The following STT3B variants were observed in gnomAD, a reference collection of about 807,000 sequenced individuals.
STT3B encodes the protein dolichyl-diphosphooligosaccharide--protein glycosyltransferase subunit STT3B.
STT3B carries 29 observed loss-of-function variants against 96.8 expected under a neutral mutation model. The observed-to-expected ratio is 0.30, with a 90% CI of 0.22 to 0.41. The LOEUF (loss-of-function observed/expected upper bound fraction) is 0.41, where lower values mean the gene tolerates loss of function less well. Ranked by LOEUF, STT3B falls within the 10% of genes least tolerant of loss-of-function variation. The probability of loss-of-function intolerance (pLI) is 1.00; values close to 1 mark genes in which losing one functional copy is unlikely to be tolerated. For missense variants in STT3B, 640 were observed against 1,022.3 expected, an observed-to-expected ratio of 0.63 and a Z score of 5.10; for synonymous variants, 367 against 360.0, an observed-to-expected ratio of 1.02 and a Z score of -0.22.
At chr3:31,552,161 T>G (rs867856525) in intron 1 of STT3B, among the ~76,000 whole-genome samples, 9 of 152,380 alleles carry the variant, frequency 5.9e-5, no homozygotes, top group Middle Eastern at 6.8e-3. Flanking sequence ...TTTAAGCCAC[T>G]GAGTTTGTTT....
intron 1 of STT3B, among the ~76,000 whole-genome samples, chr3:31,570,926 A>T (rs530342126): frequency 6.6e-6 from 1 of 152,204 alleles, no homozygotes; most frequent in Admixed American, 6.5e-5. Flanking sequence ...GAATTTGATC[A>T]TATTGAGGTG....
chr3:31,533,059 A>G lies in STT3B; in HGVS notation c.61A>G (p.Ser21Gly), dbSNP rs764719664. The change falls in exon 1 of 16, where the codon AGT becomes GGT. Residue 21 changes from serine (S) to glycine (G), a missense_variant. This residue lies in a region of STT3B where 89 missense variants were observed against 81.7 expected (regional missense o/e 1.09). Transcript: ENST00000295770. ...HKSSLNSSPW[S>G]GLMALGNSRH... Reference sequence around the variant, plus strand: ...GTCGTCCCTCAACTCGTCCCCGTGGAGTGGCCTCATGGCCCTGGGAAACAG... The same window carrying G: ...GTCGTCCCTCAACTCGTCCCCGTGGGGTGGCCTCATGGCCCTGGGAAACAG... 6.3e-7 allele frequency: 1 copy of G among 1,580,984 alleles called. No homozygotes were observed. Among genetic ancestry groups the G allele is most frequent in the South Asian group, 1.1e-5 (1 of 89,302 alleles).
intron 5 of STT3B, among the ~76,000 whole-genome samples, chr3:31,610,029 T>C (rs1699146532): frequency 6.6e-6 from 1 of 152,224 alleles, no homozygotes; most frequent in African/African-American, 2.4e-5. Context: ...AAAAGAGAAA[T>C]GATTTTTATC....
intron 14 of STT3B, among the ~76,000 whole-genome samples, chr3:31,632,686 A>G (rs1373231731): frequency 7.4e-6 from 1 of 134,336 alleles, no homozygotes. Flanking sequence ...TTTTTTTTTT[A>G]ATGCCTTTAG....
At chr3:31,579,326 A>AT (rs1433730700) in intron 2 of STT3B, among the ~76,000 whole-genome samples, 5 of 151,834 alleles carry the variant, frequency 3.3e-5, no homozygotes, top group Non-Finnish European at 7.4e-5. Flanking sequence ...AGGAGGGAAC[A>AT]TTTTTTTATA....
Position 31,622,183 on chromosome 3 carries a change from T to A in STT3B, c.1414T>A (p.Ser472Thr). The change falls in exon 10 of 16, where the codon TCT becomes ACT. Residue 472 changes from serine (S) to threonine (T), a missense_variant. Coordinates refer to ENST00000295770, the MANE Select transcript of STT3B (RefSeq NM_178862.3). ...TTTGACTCCAGTCGTGTGTATGCTGTCTGCAATTGCCTTTTCAAATGTTTT... is the reference window on the plus strand; with the variant it reads ...TTTGACTCCAGTCGTGTGTATGCTGACTGCAATTGCCTTTTCAAATGTTTT... ...LTLTPVVCML[S>T]AIAFSNVFEH... 2 of 1,614,136 alleles carry A rather than the reference T, an allele frequency of 1.2e-6. No individual in the cohort carries two copies. The highest frequency in any genetic ancestry group is 1.7e-6 in the Non-Finnish European group (2 of 1,179,968).
intron 3 of STT3B, among the ~76,000 whole-genome samples, chr3:31,588,329 T>C (rs1373130156): frequency 6.6e-6 from 1 of 152,100 alleles, no homozygotes; most frequent in Non-Finnish European, 1.5e-5. Flanking sequence ...CCTTAAAATA[T>C]TTGTCTCAAA....
At chr3:31,550,819 C>A (rs1697534937) in intron 1 of STT3B, among the ~76,000 whole-genome samples, 1 of 151,542 alleles carries the variant, frequency 6.6e-6, no homozygotes, top group African/African-American at 2.4e-5. Context: ...CCATGTGTTA[C>A]TTTTAATAGA....
At chr3:31,548,492 A>C (rs1232029603) in intron 1 of STT3B, among the ~76,000 whole-genome samples, 1 of 152,200 alleles carries the variant, frequency 6.6e-6, no homozygotes, top group Non-Finnish European at 1.5e-5. Context: ...ATTTTAAAAT[A>C]GAGTATACCA....
intron 2 of STT3B, among the ~76,000 whole-genome samples, chr3:31,578,699 T>G (rs556918813): frequency 2.6e-5 from 4 of 152,140 alleles, no homozygotes; most frequent in Non-Finnish European, 4.4e-5. Flanking sequence ...CCTTTCTCCT[T>G]CCATGCATGC....
At chr3:31,548,359 G>A (rs905591494) in intron 1 of STT3B, among the ~76,000 whole-genome samples, 12 of 152,026 alleles carry the variant, frequency 7.9e-5, no homozygotes, top group African/African-American at 2.9e-4. Flanking sequence ...CTGTGAAACC[G>A]GGGAGAAAAA....
intron 14 of STT3B, among the ~76,000 whole-genome samples, chr3:31,631,785 A>T (rs960264403): frequency 6.9e-6 from 1 of 145,480 alleles, no homozygotes; most frequent in Non-Finnish European, 1.5e-5. Context: ...GTCTCTGTTT[A>T]AAAAAAAAAA....
intron 1 of STT3B, among the ~76,000 whole-genome samples, chr3:31,553,898 C>T (rs894869092): frequency 6.6e-6 from 1 of 151,972 alleles, no homozygotes; most frequent in South Asian, 2.1e-4. Context: ...GCAGAATGCC[C>T]AAGTTTATTG....
At chr3:31,558,532 T>C (rs1289859325) in intron 1 of STT3B, among the ~76,000 whole-genome samples, 4 of 152,232 alleles carry the variant, frequency 2.6e-5, no homozygotes, top group African/African-American at 4.8e-5. Flanking sequence ...GCTTCCCTGG[T>C]ATAAACCCAT....
At chr3:31,616,803 C>A in intron 6 of STT3B, 126 bp from the exon 7 acceptor site, 1 of 714,510 alleles carries the variant, frequency 1.4e-6, no homozygotes, top group Non-Finnish European at 2.1e-6. Context: ...GAAATGTTGG[C>A]TAGATGAAAT....
chr3:31,600,672 A>G (rs1316019990), intron 5 of STT3B, among the ~76,000 whole-genome samples: 2 of 151,738 alleles, frequency 1.3e-5, no homozygotes, highest in African/African-American at 2.4e-5. Context: ...TCGTTTTTGT[A>G]GAAATTAGTC....
At chr3:31,589,356 G>A (rs749628204) in intron 3 of STT3B, among the ~76,000 whole-genome samples, 3 of 151,654 alleles carry the variant, frequency 2.0e-5, no homozygotes, top group Non-Finnish European at 2.9e-5. Context: ...GATTCTTTGG[G>A]GTCTTTTACG....
chr3:31,566,594 GT>G (rs1248438536), intron 1 of STT3B, among the ~76,000 whole-genome samples: 8 of 152,228 alleles, frequency 5.3e-5, no homozygotes, highest in Admixed American at 5.2e-4. Context: ...GCACTTGATA[GT>G]TTCTTTGCCT....
At chr3:31,561,670 G>C (rs76375492) in intron 1 of STT3B, among the ~76,000 whole-genome samples, 3,974 of 152,092 alleles carry the variant, frequency 0.026, 176 homozygotes, top group African/African-American at 0.091. Context: ...TCTGTTGCTG[G>C]ATAATTACTG....
Sources: allele counts gnomAD v4.1 joint callset (sites outside exome capture counted in the v4.1 genomes callset), GRCh38; gene constraint gnomAD v4.1.1; regional missense constraint gnomAD v4.1.1; transcripts MANE v1.5; gene names NCBI Gene and HGNC (gene_info 2026-07-23, HGNC 2026-07-21).